Variants in PDE10A observed in about 807,000 individuals in gnomAD.
The protein encoded by PDE10A is phosphodiesterase 10A, also known as cAMP and cAMP-inhibited cGMP 3',5'-cyclic phosphodiesterase 10A.
PDE10A carries 39 observed loss-of-function variants against 97.7 expected under a neutral mutation model. The observed-to-expected ratio is 0.40, with a 90% confidence interval of 0.31 to 0.52. The LOEUF (loss-of-function observed/expected upper bound fraction) is 0.52. Among genes scored for constraint, PDE10A ranks in the 20% least tolerant of loss-of-function variants. PDE10A has a pLI of 0.56. For missense variants in PDE10A, 731 were observed against 1,047.8 expected (o/e 0.70, Z 4.17); for synonymous variants, 371 against 376.8 (o/e 0.98, Z 0.18).
At chr6:165,530,363 G>C (rs981637881) in intron 2 of PDE10A, among the ~76,000 whole-genome samples, 8 of 151,452 alleles carry the variant, frequency 5.3e-5, no homozygotes, top group African/African-American at 1.7e-4. Flanking sequence ...GAAAGTGGGA[G>C]ACAATATTTG....
At chr6:165,458,797 C>T (rs1291784674) in intron 3 of PDE10A, among the ~76,000 whole-genome samples, 3 of 152,042 alleles carry the variant, frequency 2.0e-5, no homozygotes, top group African/African-American at 7.2e-5. Flanking sequence ...AGAACATTCC[C>T]TTACAAGTTA....
At chr6:165,864,060 C>A (rs550130598) in intron 1 of PDE10A, among the ~76,000 whole-genome samples, 1 of 152,236 alleles carries the variant, frequency 6.6e-6, no homozygotes, top group South Asian at 2.1e-4. Flanking sequence ...GGTTGTGTAA[C>A]CTGCCCAAGG....
At chr6:165,450,060 A>G (rs886291395) in intron 4 of PDE10A, among the ~76,000 whole-genome samples, 182 bp downstream of exon 4, 4 of 152,216 alleles carry the variant, frequency 2.6e-5, no homozygotes, top group African/African-American at 9.6e-5. Flanking sequence ...GACAATTTAG[A>G]AAGTTTTAGG....
chr6:165,495,920 G>A (rs868455450), intron 2 of PDE10A, among the ~76,000 whole-genome samples: 6 of 152,090 alleles, frequency 3.9e-5, no homozygotes, highest in Admixed American at 2.0e-4. Context: ...TCTAAATGCA[G>A]GTGACTGTCA....
chr6:165,729,408 A>G (rs61301961), intron 1 of PDE10A, among the ~76,000 whole-genome samples: 2 of 152,066 alleles, frequency 1.3e-5, no homozygotes, highest in African/African-American at 2.4e-5. Context: ...CTTCTTAGAC[A>G]TGGAGAGTTG....
chr6:165,411,674 T>C (rs1399544740), intron 13 of PDE10A, among the ~76,000 whole-genome samples: 1 of 152,242 alleles, frequency 6.6e-6, no homozygotes, highest in East Asian at 1.9e-4. Context: ...AATAAGATAA[T>C]GTCCTTGTTT....
At chr6:165,813,970 A>C (rs550968290) in intron 1 of PDE10A, among the ~76,000 whole-genome samples, 1 of 152,322 alleles carries the variant, frequency 6.6e-6, no homozygotes, top group Admixed American at 6.5e-5. Context: ...GGAGTTAACC[A>C]AACTGATAGG....
intron 1 of PDE10A, among the ~76,000 whole-genome samples, chr6:165,925,503 A>G (rs150669941): frequency 2.0e-5 from 3 of 152,376 alleles, no homozygotes; most frequent in African/African-American, 7.2e-5. Flanking sequence ...ATATCTTTCA[A>G]TGGGTGAATG....
intron 5 of PDE10A, among the ~76,000 whole-genome samples, chr6:165,439,396 A>G (rs1429757497): frequency 6.6e-6 from 1 of 152,206 alleles, no homozygotes; most frequent in African/African-American, 2.4e-5. Context: ...GAAAAACTTT[A>G]AAGTTTCAAA....
chr6:165,485,229 T>C (rs1779833268), intron 2 of PDE10A, among the ~76,000 whole-genome samples: 1 of 152,056 alleles, frequency 6.6e-6, no homozygotes, highest in Admixed American at 6.5e-5. Flanking sequence ...CCTAGCACTT[T>C]GAGAGGCCGA....
Position 165,330,495 on chromosome 6 carries a change from T to A in PDE10A, c.*2530A>T. 1 of 152,210 alleles carries A rather than the reference T, an allele frequency of 6.6e-6. No individual in the cohort carries two copies. Among genetic ancestry groups the A allele is most frequent in the African/African-American group, 2.4e-5 (1 of 41,472 alleles). The allele number at this position is 152,210 out of a possible 1,614,324, so 9.4% of individuals were successfully genotyped here. A position where few individuals can be genotyped will look rare whatever the true frequency, so the allele number is the denominator to read the frequency against. ...GGTAAATCTGTGATTACTAAGTAAATCTTACACATGGTAAAAGCAATATTG... is the reference window on the plus strand; with the variant it reads ...GGTAAATCTGTGATTACTAAGTAAAACTTACACATGGTAAAAGCAATATTG... On this transcript the variant is annotated 3_prime_UTR_variant, in exon 22 of 22. Coordinates refer to ENST00000539869, the MANE Select transcript of PDE10A (RefSeq NM_001385079.1).
intron 3 of PDE10A, among the ~76,000 whole-genome samples, chr6:165,476,806 A>C (rs921425685): frequency 1.3e-5 from 2 of 152,194 alleles, no homozygotes; most frequent in African/African-American, 4.8e-5. Context: ...CTCCTTGAAA[A>C]CATTAAATAC....
intron 3 of PDE10A, among the ~76,000 whole-genome samples, chr6:165,469,700 G>C (rs947503573): frequency 2.6e-5 from 4 of 152,068 alleles, no homozygotes; most frequent in African/African-American, 9.7e-5. Flanking sequence ...AATTCTTATT[G>C]GGCTCTTTGA....
intron 3 of PDE10A, among the ~76,000 whole-genome samples, chr6:165,473,339 C>T (rs1779118872): frequency 6.6e-6 from 1 of 152,154 alleles, no homozygotes; most frequent in Non-Finnish European, 1.5e-5. Context: ...GTCCTGATCT[C>T]TTGAAAATGC....
At position 165,403,659 on chromosome 6, in the gene PDE10A, T is replaced by C. The variant is rs79907963; in HGVS notation, c.2077-7200A>G. 5.9e-3 allele frequency among the ~76,000 whole-genome samples: 892 copies of C among 152,338 alleles called. 10 individuals carry two copies. The highest frequency in any genetic ancestry group is 0.02 in the African/African-American group (843 of 41,580). ...CTATATGTTTGTCAATAGCATTAAATAATATCATTAGTCAAATTAAATTGA... is the reference window on the plus strand; with the variant it reads ...CTATATGTTTGTCAATAGCATTAAACAATATCATTAGTCAAATTAAATTGA... On this transcript the variant is annotated intron_variant, in intron 13 of 21. Transcript: ENST00000539869.
chr6:165,684,127 T>C (rs547483975), intron 1 of PDE10A, among the ~76,000 whole-genome samples: 34 of 152,306 alleles, frequency 2.2e-4, no homozygotes, highest in African/African-American at 7.7e-4. Flanking sequence ...CTCTCTACTC[T>C]TCCTATTTCC....
chr6:165,929,470 G>T (rs75076459), intron 1 of PDE10A, among the ~76,000 whole-genome samples: 6,929 of 152,252 alleles, frequency 0.046, 223 homozygotes, highest in Middle Eastern at 0.075. Flanking sequence ...TGTGAAGGCC[G>T]TCAGAAACAT....
intron 17 of PDE10A, among the ~76,000 whole-genome samples, chr6:165,382,838 G>T (rs1370906154): frequency 1.3e-5 from 2 of 152,104 alleles, no homozygotes; most frequent in African/African-American, 4.8e-5. Flanking sequence ...GCCTAAAAGA[G>T]AATTTGATAG....
intron 1 of PDE10A, among the ~76,000 whole-genome samples, chr6:165,982,225 G>A (rs1314563000): frequency 1.3e-5 from 2 of 152,298 alleles, no homozygotes; most frequent in Admixed American, 1.3e-4. Context: ...AGTCGGTCAT[G>A]CCCAAATGTC....
Sources: allele counts gnomAD v4.1 joint callset (sites outside exome capture counted in the v4.1 genomes callset), GRCh38; gene constraint gnomAD v4.1.1; transcripts MANE v1.5; gene names NCBI Gene and HGNC (gene_info 2026-07-23, HGNC 2026-07-21).